The following ARHGAP26 variants were observed in gnomAD, a reference collection of about 807,000 sequenced individuals.
ARHGAP26 encodes the protein Rho GTPase activating protein 26, also known as rho GTPase-activating protein 26.
A neutral mutation model predicts 104.8 loss-of-function variants in ARHGAP26; 38 were observed. The ratio of observed to expected loss-of-function variants is 0.36; its 90% CI spans 0.28 to 0.48. The LOEUF (loss-of-function observed/expected upper bound fraction) is 0.48, where lower values mean the gene tolerates loss of function less well. ARHGAP26 is among the 20% of genes least tolerant of loss of function. The pLI, the probability that ARHGAP26 is intolerant of heterozygous loss-of-function variation, is 0.99. For missense variants in ARHGAP26, 704 were observed against 947.9 expected, an observed-to-expected ratio of 0.74 and a Z score of 3.38; for synonymous variants, 341 against 340.0, an observed-to-expected ratio of 1.00 and a Z score of -0.03.
At chr5:142,782,239 C>T (rs1190354622) in intron 1 of ARHGAP26, among the ~76,000 whole-genome samples, 1 of 152,158 alleles carries the variant, frequency 6.6e-6, no homozygotes, top group African/African-American at 2.4e-5. Context: ...TCCTGCAGGG[C>T]ATGCAGGTGG....
At chr5:142,808,274 A>G (rs405633) in intron 1 of ARHGAP26, among the ~76,000 whole-genome samples, 15,740 of 110,388 alleles carry the variant, frequency 0.14, 1,750 homozygotes, top group East Asian at 0.41. Context: ...AAAAAAAAAA[A>G]AATGTTGTAT....
intron 20 of ARHGAP26, among the ~76,000 whole-genome samples, chr5:143,154,115 C>T (rs568327769): frequency 1.4e-5 from 2 of 147,920 alleles, no homozygotes; most frequent in East Asian, 3.9e-4. Context: ...CTACTGTGGG[C>T]CTGGTGGTGG....
chr5:143,113,574 C>T (rs570051607), intron 17 of ARHGAP26, among the ~76,000 whole-genome samples: 2 of 152,312 alleles, frequency 1.3e-5, no homozygotes, highest in Non-Finnish European at 2.9e-5. Context: ...TAGGAACCGG[C>T]TCTGACTGTG....
chr5:143,033,460 A>G (rs1013698086), intron 12 of ARHGAP26, among the ~76,000 whole-genome samples: 1 of 152,170 alleles, frequency 6.6e-6, no homozygotes, highest in Non-Finnish European at 1.5e-5. Context: ...AAAAGGATGC[A>G]CTTCCTACAG....
At chr5:143,054,397 AT>A in intron 14 of ARHGAP26, 41 bp from the exon 15 acceptor site, 2 of 1,452,484 alleles carry the variant, frequency 1.4e-6, no homozygotes. Flanking sequence ...TATTAGTTCC[AT>A]TTTATGCTGT....
chr5:142,794,554 A>C (rs953012630), intron 1 of ARHGAP26, among the ~76,000 whole-genome samples: 2 of 152,134 alleles, frequency 1.3e-5, no homozygotes, highest in South Asian at 4.1e-4. Context: ...TGGACATTCA[A>C]ATTTGTAGGG....
intron 1 of ARHGAP26, among the ~76,000 whole-genome samples, chr5:142,790,700 C>T (rs2151906436): frequency 6.6e-6 from 1 of 152,304 alleles, no homozygotes; most frequent in Middle Eastern, 3.4e-3. Context: ...ACCTCAGATT[C>T]CTCTGATGCT....
At chr5:142,983,151 C>A (rs954952650) in intron 11 of ARHGAP26, among the ~76,000 whole-genome samples, 1 of 152,220 alleles carries the variant, frequency 6.6e-6, no homozygotes, top group Non-Finnish European at 1.5e-5. Flanking sequence ...TCTGTGATCT[C>A]TGAGCCTTAT....
At chr5:143,076,284 C>A (rs1166622302) in intron 17 of ARHGAP26, among the ~76,000 whole-genome samples, 5 of 151,800 alleles carry the variant, frequency 3.3e-5, no homozygotes, top group Non-Finnish European at 7.4e-5. Context: ...AAGAATGAGC[C>A]CCCATGCTCA....
intron 20 of ARHGAP26, chr5:143,203,538 G>A (rs952158931): frequency 6.6e-6 from 1 of 152,192 alleles, no homozygotes; most frequent in Non-Finnish European, 1.5e-5. Context: ...TCTAGAGCCA[G>A]ACATACCATT....
intron 20 of ARHGAP26, among the ~76,000 whole-genome samples, chr5:143,176,816 G>C (rs1213546072): frequency 6.6e-6 from 1 of 152,120 alleles, no homozygotes. Flanking sequence ...AGAGACTCGG[G>C]TGTCTGATTT....
At chr5:142,929,713 G>A (rs1481333576) in intron 10 of ARHGAP26, among the ~76,000 whole-genome samples, 1 of 152,184 alleles carries the variant, frequency 6.6e-6, no homozygotes, top group Non-Finnish European at 1.5e-5. Flanking sequence ...TGAGGTTGTC[G>A]AACTTCCTCT....
chr5:142,831,808 A>G (rs943416193), intron 1 of ARHGAP26, among the ~76,000 whole-genome samples: 1 of 152,012 alleles, frequency 6.6e-6, no homozygotes, highest in African/African-American at 2.4e-5. Flanking sequence ...GCAATTTCTC[A>G]TGGATTCAAC....
At chr5:142,781,788 T>G (rs1757548728) in intron 1 of ARHGAP26, among the ~76,000 whole-genome samples, 1 of 152,200 alleles carries the variant, frequency 6.6e-6, no homozygotes, top group Non-Finnish European at 1.5e-5. Flanking sequence ...CTTGGCTCAC[T>G]GCAACCTCCG....
At chr5:143,012,401 C>T (rs1778874200) in intron 11 of ARHGAP26, among the ~76,000 whole-genome samples, 1 of 149,930 alleles carries the variant, frequency 6.7e-6, no homozygotes, top group Non-Finnish European at 1.5e-5. Context: ...CAGCCATTCT[C>T]CGTCATATTT....
chr5:142,954,880 C>T (rs1183630955), intron 11 of ARHGAP26, among the ~76,000 whole-genome samples: 2 of 152,074 alleles, frequency 1.3e-5, no homozygotes, highest in African/African-American at 4.8e-5. Flanking sequence ...AGGGCCAGTT[C>T]CTGCACTGCT....
chr5:143,062,217 G>A (rs938018728), intron 17 of ARHGAP26, among the ~76,000 whole-genome samples: 3 of 152,202 alleles, frequency 2.0e-5, no homozygotes, highest in Non-Finnish European at 4.4e-5. Context: ...TGGGCACATA[G>A]GCACTAAATT....
rs545794281 is a variant in ARHGAP26, at chr5:142,958,656, G to A, written c.1107+26531G>A. ...CACTCCAGCCTGAGCTACAGAGCAA[G>A]ACCCTGTCTTGAAAAACAAAACAGT... is the stretch of plus-strand genomic sequence containing the variant. On this transcript the variant is annotated intron_variant, in intron 11 of 22. Coordinates refer to ENST00000645722, the MANE Select transcript of ARHGAP26 (RefSeq NM_001135608.3). Among the ~76,000 whole-genome samples, 3 of 152,336 alleles carry A rather than the reference G, an allele frequency of 2.0e-5. No homozygotes were observed. The East Asian group carries it at 5.8e-4, about 29-fold the overall frequency.
chr5:142,847,749 G>A (rs754257022), intron 1 of ARHGAP26, among the ~76,000 whole-genome samples: 1 of 152,248 alleles, frequency 6.6e-6, no homozygotes, highest in African/African-American at 2.4e-5. Flanking sequence ...TTGTATGGGT[G>A]GTGGGCAGTG....
Sources: gnomAD v4.1 joint callset for allele counts (sites outside exome capture counted in the v4.1 genomes callset) on GRCh38, gnomAD v4.1.1 for gene constraint, MANE v1.5 for transcripts, NCBI Gene and HGNC (gene_info 2026-07-23, HGNC 2026-07-21) for gene names.